The following ZMYND8 variants were observed in gnomAD, a reference collection of about 807,000 sequenced individuals.
The protein encoded by ZMYND8 is MYND-type zinc finger-containing chromatin reader ZMYND8.
Under a neutral mutation model 140.8 loss-of-function variants are expected in ZMYND8, and 37 were observed. The ratio of observed to expected loss-of-function variants is 0.26; its 90% confidence interval spans 0.20 to 0.35. ZMYND8 has a LOEUF of 0.35. ZMYND8 is among the 10% of genes least tolerant of loss of function. The probability of loss-of-function intolerance (pLI) is 1.00; values close to 1 mark genes in which losing one functional copy is unlikely to be tolerated. For missense variants in ZMYND8, 1,068 were observed against 1,570.0 expected (o/e 0.68, Z 5.40); for synonymous variants, 592 against 597.1 (o/e 0.99, Z 0.12).
In ZMYND8 at chr20:47,309,338, G is replaced by T. The variant is rs569803899; in HGVS notation, c.234+718C>A. 5.5e-4 allele frequency among the ~76,000 whole-genome samples: 83 copies of T among 150,460 alleles called. 1 individual carries two copies. The highest frequency in any genetic ancestry group is 1.0e-3 in the Non-Finnish European group (71 of 67,792). On this transcript the variant is annotated intron_variant, in intron 3 of 22. Transcript: ENST00000471951. The stretch of plus-strand genomic sequence containing the variant: ...TTTTTTTTTTCTGAGATAGAGTCTC[G>T]CTCTGTCACCAGGCTGGAGTGCAGT...
intron 1 of ZMYND8, chr20:47,356,448 G>A: frequency 1.3e-6 from 2 of 1,546,448 alleles, no homozygotes; most frequent in Non-Finnish European, 1.7e-6. Context: ...CCAGGCCCTT[G>A]CCAGTTTGCA....
intron 11 of ZMYND8, among the ~76,000 whole-genome samples, chr20:47,263,357 G>C (rs943499530): frequency 2.6e-4 from 39 of 152,230 alleles, no homozygotes; most frequent in African/African-American, 9.2e-4. Flanking sequence ...AAAGAAATTT[G>C]TGGATGGCAA....
chr20:47,346,688 C>A (rs1442072383), intron 2 of ZMYND8, among the ~76,000 whole-genome samples: 1 of 152,082 alleles, frequency 6.6e-6, no homozygotes. Flanking sequence ...CTCACTGCAA[C>A]CTCCGCCTCC....
At chr20:47,251,585 A>C (rs2074178313) in intron 12 of ZMYND8, among the ~76,000 whole-genome samples, 1 of 136,172 alleles carries the variant, frequency 7.3e-6, no homozygotes, top group East Asian at 1.9e-4. Context: ...CCTGTCTCCA[A>C]AAAAAAAAAA....
At chr20:47,270,699 A>G (rs1190216423) in intron 11 of ZMYND8, among the ~76,000 whole-genome samples, 443 of 25,264 alleles carry the variant, frequency 0.018, 2 homozygotes, top group African/African-American at 0.14. Flanking sequence ...CTGTCTCTGA[A>G]AAAAAAAAAA....
chr20:47,237,871 CTG>C (rs1429810571), intron 15 of ZMYND8: 2 of 152,244 alleles, frequency 1.3e-5, no homozygotes, highest in Non-Finnish European at 2.9e-5. Context: ...CAGATCAGCA[CTG>C]TGTTTGGCCT....
intron 17 of ZMYND8, 72 bp downstream of exon 17, chr20:47,229,654 T>A: frequency 6.8e-7 from 1 of 1,466,182 alleles, no homozygotes. Flanking sequence ...GAGAAGCTTC[T>A]TCATGGTACC....
chr20:47,252,111 T>C (rs981026092), intron 12 of ZMYND8, among the ~76,000 whole-genome samples: 3 of 151,788 alleles, frequency 2.0e-5, no homozygotes, highest in African/African-American at 7.3e-5. Flanking sequence ...CTGGCTAACA[T>C]GGTGAAATCC....
chr20:47,222,416 G>A (rs2037108665), intron 19 of ZMYND8, among the ~76,000 whole-genome samples: 4 of 152,166 alleles, frequency 2.6e-5, no homozygotes, highest in Admixed American at 2.6e-4. Flanking sequence ...GGCACCTGTA[G>A]TCCCAGCTAC....
intron 21 of ZMYND8, among the ~76,000 whole-genome samples, chr20:47,213,195 G>A (rs2035540342): frequency 6.6e-6 from 1 of 152,142 alleles, no homozygotes. Context: ...ACGTGATGAG[G>A]AGGACTAAGG....
chr20:47,246,195 T>C lies in ZMYND8; in HGVS notation c.2097A>G (p.Ala699=), dbSNP rs2040543625. ...CCTTTATGGGGTGAGGTGAAGGTTTTGCCTTTTCGGAAAAGTCCTTCTCAG... is the reference window on the plus strand; with the variant it reads ...CCTTTATGGGGTGAGGTGAAGGTTTCGCCTTTTCGGAAAAGTCCTTCTCAG... ...PEPEKDFSEK[A]KPSPHPIKDK... Residue 699 remains alanine (A), a synonymous_variant, in exon 14 of 23, where the codon GCA becomes GCG. Transcript: ENST00000471951. 6.2e-7 allele frequency: 1 copy of C among 1,614,082 alleles called. No individual in the cohort carries two copies. The highest frequency in any genetic ancestry group is 8.5e-7 in the Non-Finnish European group (1 of 1,180,056).
At chr20:47,238,734 A>G in intron 15 of ZMYND8, 24 bp downstream of exon 15, 2 of 1,597,604 alleles carry the variant, frequency 1.3e-6, no homozygotes, top group Non-Finnish European at 8.5e-7. Flanking sequence ...GGCGCCACGG[A>G]GAACAGAAGG....
intron 1 of ZMYND8, chr20:47,352,491 T>A (rs758834032): frequency 2.4e-4 from 233 of 985,264 alleles, no homozygotes; most frequent in Non-Finnish European, 2.6e-4. Flanking sequence ...CAAATTAGAT[T>A]TCTGACCACC....
At position 47,284,511 on chromosome 20, in the gene ZMYND8, A is replaced by G. The variant is rs76216096; in HGVS notation, c.805-863T>C. 4.0e-3 allele frequency among the ~76,000 whole-genome samples: 607 copies of G among 152,290 alleles called. 2 individuals carry two copies. Among genetic ancestry groups the G allele is most frequent in the African/African-American group, 0.013 (555 of 41,556 alleles). Reference sequence around the variant, plus strand: ...AGCTGAGAAACTAACAATGAAGTCTAATGACCTGACAGGTTCCCTCAAAGC... The same window carrying G: ...AGCTGAGAAACTAACAATGAAGTCTGATGACCTGACAGGTTCCCTCAAAGC... On this transcript the variant is annotated intron_variant, in intron 8 of 22. Coordinates refer to ENST00000471951, the MANE Select transcript of ZMYND8 (RefSeq NM_001281775.3).
rs1352427279 is a variant in ZMYND8 at position 47,246,001 on chromosome 20, C to A, written c.2284+7G>T. On this transcript the variant is annotated splice_region_variant and intron_variant, in intron 14 of 22. Transcript: ENST00000471951. Reference sequence around the variant, plus strand: ...TAAGAAAACTGGAAACAGATACAATCACTTACCATCCTGTTTGGGAGATGG... The same window carrying A: ...TAAGAAAACTGGAAACAGATACAATAACTTACCATCCTGTTTGGGAGATGG... The A allele has an allele frequency of 9.5e-6, 15 of 1,571,606 alleles. No homozygotes were observed. The highest frequency in any genetic ancestry group is 1.1e-5 in the Non-Finnish European group (13 of 1,163,152).
intron 17 of ZMYND8, among the ~76,000 whole-genome samples, chr20:47,228,952 G>C (rs1360412657): frequency 6.6e-6 from 1 of 152,012 alleles, no homozygotes; most frequent in Non-Finnish European, 1.5e-5. Context: ...AGTTCAGGGA[G>C]GTGTATTTTT....
chr20:47,255,132 A>G (rs543227920), intron 12 of ZMYND8, among the ~76,000 whole-genome samples: 1 of 152,304 alleles, frequency 6.6e-6, no homozygotes, highest in South Asian at 2.1e-4. Flanking sequence ...AAAAAAATAA[A>G]TAAAACATAA....
intron 16 of ZMYND8, among the ~76,000 whole-genome samples, chr20:47,235,685 G>A (rs1274280260): frequency 1.3e-5 from 2 of 148,652 alleles, no homozygotes; most frequent in East Asian, 3.9e-4. Flanking sequence ...CCAGCCTGGG[G>A]AACAGAGTGA....
At chr20:47,341,214 C>T (rs2081849702) in intron 2 of ZMYND8, among the ~76,000 whole-genome samples, 1 of 152,130 alleles carries the variant, frequency 6.6e-6, no homozygotes, top group Non-Finnish European at 1.5e-5. Flanking sequence ...CACAGTATGT[C>T]TATATATCCT....
Sources: allele counts gnomAD v4.1 joint callset (sites outside exome capture counted in the v4.1 genomes callset), GRCh38; gene constraint gnomAD v4.1.1; transcripts MANE v1.5; gene names NCBI Gene and HGNC (gene_info 2026-07-23, HGNC 2026-07-21).